Variants in MAN1C1 observed in about 807,000 individuals in gnomAD.
The protein encoded by MAN1C1 is mannosidase alpha class 1C member 1.
MAN1C1 carries 49 observed loss-of-function variants against 71.5 expected under a neutral mutation model. That is an observed-to-expected ratio of 0.69 (90% CI 0.54 to 0.87). The LOEUF is 0.87. Ranked by LOEUF, MAN1C1 falls within the 40% of genes least tolerant of loss-of-function variation. MAN1C1 has a pLI of 0.00. For synonymous variants in MAN1C1, 352 were observed against 343.7 expected, an observed-to-expected ratio of 1.02 and a Z score of -0.27; for missense variants, 743 against 835.0, an observed-to-expected ratio of 0.89 and a Z score of 1.36.
At chr1:25,674,917 C>T (rs562031078) in intron 1 of MAN1C1, among the ~76,000 whole-genome samples, 44 of 152,148 alleles carry the variant, frequency 2.9e-4, no homozygotes, top group Non-Finnish European at 4.7e-4. Context: ...CCCATCTAGG[C>T]CAGTCAGGAG....
At position 25,779,750 on chromosome 1, in the gene MAN1C1, G is replaced by T. The variant is rs1351389768; in HGVS notation, c.1478-1190G>T. The stretch of plus-strand genomic sequence containing the variant: ...TACACCATTTGAAAAGGTTAGAGAG[G>T]CTAGGGTCTAGCTAATTCCTCTTCC... On this transcript the variant is annotated intron_variant, in intron 9 of 11. Coordinates refer to ENST00000374332, the MANE Select transcript of MAN1C1 (RefSeq NM_020379.4). This position sits in a 1 kb window ranked among gnomAD's most constrained non-coding sequence, Gnocchi z 4.6. 1.3e-5 allele frequency among the ~76,000 whole-genome samples: 2 copies of T among 152,196 alleles called. No homozygotes were observed. Among genetic ancestry groups the T allele is most frequent in the African/African-American group, 4.8e-5 (2 of 41,442 alleles).
Position 25,691,896 on chromosome 1 carries a change from T to TTGAAAG in MAN1C1, c.637+5362_637+5367dup, listed in dbSNP as rs202013250. On this transcript the variant is annotated intron_variant, in intron 2 of 11. Transcript: ENST00000374332. ...GCCAATGGGGGTCAGCTGGCCAGCC[T>TTGAAAG]TGAAAGTACTTAACAGATATCCATC... 9.7e-3 allele frequency among the ~76,000 whole-genome samples: 1,476 copies of TTGAAAG among 152,306 alleles called. 25 individuals carry two copies. The highest frequency in any genetic ancestry group is 0.032 in the African/African-American group (1,312 of 41,562).
chr1:25,699,895 G>A (rs2046416574), intron 2 of MAN1C1, among the ~76,000 whole-genome samples: 1 of 152,178 alleles, frequency 6.6e-6, no homozygotes, highest in Non-Finnish European at 1.5e-5. Flanking sequence ...GGCCTCTGAG[G>A]CAGGCAGATC....
At chr1:25,679,859 C>A (rs1013158561) in intron 1 of MAN1C1, among the ~76,000 whole-genome samples, 2 of 128,080 alleles carry the variant, frequency 1.6e-5, no homozygotes, top group East Asian at 2.2e-4. Flanking sequence ...TGACATTTTT[C>A]TTTTTCTTTT....
intron 1 of MAN1C1, among the ~76,000 whole-genome samples, chr1:25,659,762 G>A (rs979631178): frequency 6.6e-6 from 1 of 152,122 alleles, no homozygotes; most frequent in South Asian, 2.1e-4. Flanking sequence ...AATGTTGTGT[G>A]CCAATGGTTA....
chr1:25,704,832 A>C (rs1572162646), intron 2 of MAN1C1, among the ~76,000 whole-genome samples: 1 of 152,256 alleles, frequency 6.6e-6, no homozygotes, highest in African/African-American at 2.4e-5. Flanking sequence ...CATGTTTCCT[A>C]TCTGGTTTGT....
intron 2 of MAN1C1, among the ~76,000 whole-genome samples, chr1:25,696,771 G>A (rs544156920): frequency 2.0e-5 from 3 of 152,066 alleles, no homozygotes; most frequent in African/African-American, 7.2e-5. Flanking sequence ...CTCAGCCTCT[G>A]GGTAGCTAGG....
chr1:25,773,590 C>CG (rs1432943439), intron 8 of MAN1C1, among the ~76,000 whole-genome samples: 2 of 152,164 alleles, frequency 1.3e-5, no homozygotes, highest in Non-Finnish European at 2.9e-5. Context: ...TGGTGGTGGC[C>CG]GGAGTGTGCT....
intron 2 of MAN1C1, among the ~76,000 whole-genome samples, chr1:25,740,636 C>T (rs972127711): frequency 1.3e-5 from 2 of 151,922 alleles, no homozygotes; most frequent in African/African-American, 4.8e-5. Context: ...CGGGGTTTCA[C>T]TGTGTTAGCC....
At chr1:25,760,187 C>T (rs760984837) in intron 6 of MAN1C1, 8 of 152,214 alleles carry the variant, frequency 5.3e-5, no homozygotes, top group Non-Finnish European at 7.3e-5. Flanking sequence ...ATGTGCTGGG[C>T]ACTTTATAAT....
chr1:25,625,088 C>T (rs970912393), intron 1 of MAN1C1, among the ~76,000 whole-genome samples: 1 of 148,086 alleles, frequency 6.8e-6, no homozygotes, highest in Non-Finnish European at 1.5e-5. Flanking sequence ...ACACAGCAAC[C>T]TCTGCCTCCT....
chr1:25,643,421 ATTTTTTT>A lies in MAN1C1; in HGVS notation c.540+25099_540+25105del, dbSNP rs11326338. Among the ~76,000 whole-genome samples the A allele has an allele frequency of 4.9e-4, 57 of 115,440 alleles. No homozygotes were observed. In the South Asian group the frequency reaches 9.1e-3, roughly 19 times the overall value. The allele number at this position is 115,440 out of a possible 152,430, so 75.7% of individuals were successfully genotyped here. A position where few individuals can be genotyped will look rare whatever the true frequency, so the allele number is the denominator to read the frequency against. On this transcript the variant is annotated intron_variant, in intron 1 of 11. Coordinates refer to ENST00000374332, the MANE Select transcript of MAN1C1 (RefSeq NM_020379.4). The stretch of plus-strand genomic sequence containing the variant: ...AGGCACCCGCCACCACGCCTGGCTA[ATTTTTTT>A]TTTTTTTTTTTTTTGTATTTTTAGT...
At chr1:25,672,089 T>C (rs1302576639) in intron 1 of MAN1C1, among the ~76,000 whole-genome samples, 1 of 152,182 alleles carries the variant, frequency 6.6e-6, no homozygotes, top group African/African-American at 2.4e-5. Flanking sequence ...AGCTCAAGGC[T>C]GAAAGCCTCA....
intron 2 of MAN1C1, among the ~76,000 whole-genome samples, chr1:25,716,080 A>G (rs1479982956): frequency 1.3e-5 from 2 of 152,158 alleles, no homozygotes; most frequent in Non-Finnish European, 2.9e-5. Flanking sequence ...CCCTTTAAAC[A>G]TATTTTTCCA....
At chr1:25,632,460 T>C (rs930393523) in intron 1 of MAN1C1, among the ~76,000 whole-genome samples, 1 of 152,138 alleles carries the variant, frequency 6.6e-6, no homozygotes, top group African/African-American at 2.4e-5. Context: ...CAGCTTTTTA[T>C]TTCATCTTTT....
At chr1:25,737,661 C>G (rs1333277982) in intron 2 of MAN1C1, among the ~76,000 whole-genome samples, 1 of 152,156 alleles carries the variant, frequency 6.6e-6, no homozygotes, top group Admixed American at 6.6e-5. Flanking sequence ...CAGAGACATA[C>G]AATATCGTGT....
At chr1:25,655,588 T>C (rs901338395) in intron 1 of MAN1C1, among the ~76,000 whole-genome samples, 1 of 152,190 alleles carries the variant, frequency 6.6e-6, no homozygotes, top group Non-Finnish European at 1.5e-5. Flanking sequence ...GGATGACTGA[T>C]GTCTGGGGCA....
rs958349614 is a variant in MAN1C1, at chr1:25,769,215, A to T, written c.1142-2442A>T. Among the ~76,000 whole-genome samples, 1 of 148,616 alleles carries T rather than the reference A, an allele frequency of 6.7e-6. No individual in the cohort carries two copies. Among genetic ancestry groups the T allele is most frequent in the African/African-American group, 2.5e-5 (1 of 39,958 alleles). ...GCCTCATGCACACACCCCACACACT[A>T]CACATAGTCCCCTCATACACTACAC... is the stretch of plus-strand genomic sequence containing the variant. On this transcript the variant is annotated intron_variant, in intron 7 of 11. Coordinates refer to ENST00000374332, the MANE Select transcript of MAN1C1 (RefSeq NM_020379.4). This position sits in a 1 kb window ranked among gnomAD's most constrained non-coding sequence, Gnocchi z 4.8.
intron 1 of MAN1C1, among the ~76,000 whole-genome samples, chr1:25,619,776 A>G (rs1572098192): frequency 6.6e-6 from 1 of 152,188 alleles, no homozygotes; most frequent in Non-Finnish European, 1.5e-5. Flanking sequence ...ACGCTGTTGA[A>G]TACTCACTTG....
Sources: allele counts gnomAD v4.1 joint callset (sites outside exome capture counted in the v4.1 genomes callset), GRCh38; gene constraint gnomAD v4.1.1; non-coding constraint Gnocchi (gnomAD v3.1); transcripts MANE v1.5; gene names NCBI Gene and HGNC (gene_info 2026-07-23, HGNC 2026-07-21).